Variants in EPM2A observed in about 807,000 individuals in gnomAD.
The protein encoded by EPM2A is EPM2A glucan phosphatase, laforin, also known as laforin.
EPM2A carries 21 observed loss-of-function variants against 26.5 expected under a neutral mutation model. That is an observed-to-expected ratio of 0.79 (90% CI 0.56 to 1.14). The LOEUF is 1.14. EPM2A is among the 50% of genes most tolerant of loss of function. The pLI, the probability that EPM2A is intolerant of heterozygous loss-of-function variation, is 0.00. For synonymous variants in EPM2A, 217 were observed against 177.6 expected, an observed-to-expected ratio of 1.22 and a Z score of -1.76; for missense variants, 458 against 440.8, an observed-to-expected ratio of 1.04 and a Z score of -0.35.
chr6:145,409,042 A>G (rs2114673410), intron 4 of EPM2A, among the ~76,000 whole-genome samples: 1 of 152,290 alleles, frequency 6.6e-6, no homozygotes, highest in East Asian at 1.9e-4. Flanking sequence ...TTGCCCTTTA[A>G]TGGATTTTCA....
intron 2 of EPM2A, among the ~76,000 whole-genome samples, chr6:145,662,516 G>T (rs1778795553): frequency 6.6e-6 from 1 of 152,184 alleles, no homozygotes; most frequent in Admixed American, 6.5e-5. Flanking sequence ...GACTGATCAT[G>T]ATAGGTACAG....
At chr6:145,435,217 T>C (rs1317877834) in intron 4 of EPM2A, among the ~76,000 whole-genome samples, 1 of 152,078 alleles carries the variant, frequency 6.6e-6, no homozygotes, top group Non-Finnish European at 1.5e-5. Context: ...GGAAGCAATA[T>C]GAAGTATAAG....
chr6:145,507,002 A>G (rs942244215), intron 2 of EPM2A, among the ~76,000 whole-genome samples: 1 of 152,228 alleles, frequency 6.6e-6, no homozygotes, highest in Non-Finnish European at 1.5e-5. Flanking sequence ...TGAGCTTGTT[A>G]AATATACAGA....
At chr6:145,683,313 G>GTGTGTGTA (rs1178628366) in intron 2 of EPM2A, among the ~76,000 whole-genome samples, 46 of 147,420 alleles carry the variant, frequency 3.1e-4, no homozygotes, top group South Asian at 1.5e-3. Context: ...GTGTGAGTGT[G>GTGTGTGTA]TATATATTAG....
chr6:145,430,310 G>A (rs932259709), intron 4 of EPM2A, among the ~76,000 whole-genome samples: 2 of 152,032 alleles, frequency 1.3e-5, no homozygotes, highest in African/African-American at 4.8e-5. Context: ...AGTTAAAAAT[G>A]GATCATTGGC....
chr6:145,554,172 G>A (rs890363322), intron 2 of EPM2A, among the ~76,000 whole-genome samples: 1 of 151,848 alleles, frequency 6.6e-6, no homozygotes, highest in Non-Finnish European at 1.5e-5. Flanking sequence ...CAGCTGAGTA[G>A]GGGAAATAAA....
At chr6:145,680,226 C>T (rs1780401638) in intron 2 of EPM2A, 1 of 151,592 alleles carries the variant, frequency 6.6e-6, no homozygotes, top group South Asian at 2.1e-4. Context: ...CTGATAAATT[C>T]TTTAAACACA....
At chr6:145,431,665 C>T (rs909923348) in intron 4 of EPM2A, among the ~76,000 whole-genome samples, 2 of 152,112 alleles carry the variant, frequency 1.3e-5, no homozygotes, top group Admixed American at 1.3e-4. Flanking sequence ...GAAGGTTTTG[C>T]CTCAAGGTTG....
intron 1 of EPM2A, among the ~76,000 whole-genome samples, chr6:145,714,783 T>G (rs1447197652): frequency 6.6e-6 from 1 of 152,156 alleles, no homozygotes; most frequent in African/African-American, 2.4e-5. Flanking sequence ...CTCATGAGAC[T>G]TATTCACTAT....
intron 4 of EPM2A, among the ~76,000 whole-genome samples, chr6:145,462,973 G>A (rs1276993045): frequency 6.6e-6 from 1 of 152,048 alleles, no homozygotes; most frequent in Non-Finnish European, 1.5e-5. Flanking sequence ...CACGCTTCTA[G>A]TTATTCTTTC....
At chr6:145,412,040 A>C (rs1031049467) in intron 4 of EPM2A, among the ~76,000 whole-genome samples, 1 of 152,106 alleles carries the variant, frequency 6.6e-6, no homozygotes. Context: ...AAACATAGTG[A>C]AACCGTCTCT....
At chr6:145,558,395 G>T (rs1780759416) in intron 2 of EPM2A, among the ~76,000 whole-genome samples, 1 of 152,072 alleles carries the variant, frequency 6.6e-6, no homozygotes, top group African/African-American at 2.4e-5. Context: ...CAATGAACAT[G>T]GGAATGCAGA....
intron 2 of EPM2A, among the ~76,000 whole-genome samples, chr6:145,518,932 T>C (rs184744658): frequency 7.4e-5 from 9 of 121,580 alleles, no homozygotes; most frequent in Admixed American, 7.2e-4. Context: ...GCCAGAAAGG[T>C]GGAGAAGCAG....
intron 4 of EPM2A, among the ~76,000 whole-genome samples, chr6:145,468,618 TAC>T (rs1779431242): frequency 9.3e-6 from 1 of 106,982 alleles, no homozygotes; most frequent in African/African-American, 4.0e-5. Flanking sequence ...TCTCATCATA[TAC>T]AAAAATCAAA....
chr6:145,430,612 A>T (rs1778909306), intron 4 of EPM2A, among the ~76,000 whole-genome samples: 1 of 152,144 alleles, frequency 6.6e-6, no homozygotes, highest in Non-Finnish European at 1.5e-5. Flanking sequence ...AGAAAAAAAA[A>T]AAAGAACCAT....
intron 4 of EPM2A, among the ~76,000 whole-genome samples, chr6:145,472,421 A>G (rs768289099): frequency 3.3e-5 from 5 of 151,122 alleles, no homozygotes; most frequent in Non-Finnish European, 5.9e-5. Flanking sequence ...CACCTTAGGT[A>G]CCATCATAGC....
chr6:145,527,950 A>C (rs1176229062), intron 2 of EPM2A, among the ~76,000 whole-genome samples: 2 of 152,132 alleles, frequency 1.3e-5, no homozygotes, highest in East Asian at 1.9e-4. Context: ...CAAATAACAA[A>C]AAAAAAAGTG....
At chr6:145,646,513 C>G (rs1159982975) in intron 2 of EPM2A, among the ~76,000 whole-genome samples, 1 of 152,038 alleles carries the variant, frequency 6.6e-6, no homozygotes, top group East Asian at 1.9e-4. Context: ...AAAATTCCAT[C>G]ACTAGGTGAT....
intron 3 of EPM2A, chr6:145,629,687 T>G (rs1776098673): frequency 6.6e-6 from 1 of 152,312 alleles, no homozygotes; most frequent in African/African-American, 2.4e-5. Context: ...CTGCTCGAGC[T>G]GGAAGCGTAG....
Sources: gnomAD v4.1 joint callset for allele counts (sites outside exome capture counted in the v4.1 genomes callset) on GRCh38, gnomAD v4.1.1 for gene constraint, MANE v1.5 for transcripts, NCBI Gene and HGNC (gene_info 2026-07-23, HGNC 2026-07-21) for gene names.